The following OPCML variants were observed in gnomAD, a reference collection of about 807,000 sequenced individuals.
OPCML encodes opioid binding protein/cell adhesion molecule like.
A neutral mutation model predicts 37.8 loss-of-function variants in OPCML; 13 were observed. That is an observed-to-expected ratio of 0.34 (90% CI 0.22 to 0.55). OPCML has a LOEUF of 0.55. OPCML is among the 20% of genes least tolerant of loss of function. The pLI is 0.91. For missense variants in OPCML, 341 were observed against 435.6 expected (o/e 0.78, Z 1.93); for synonymous variants, 176 against 168.8 (o/e 1.04, Z -0.33).
intron 2 of OPCML, among the ~76,000 whole-genome samples, chr11:132,895,152 C>T (rs987075891): frequency 6.6e-6 from 1 of 152,180 alleles, no homozygotes; most frequent in Non-Finnish European, 1.5e-5. Context: ...ACAGAGAGCA[C>T]TGAACTCTCT....
chr11:133,116,731 T>C (rs1295245345), intron 1 of OPCML, among the ~76,000 whole-genome samples: 2 of 152,000 alleles, frequency 1.3e-5, no homozygotes, highest in Admixed American at 1.3e-4. Context: ...GGGAAGTTTC[T>C]AGTATACCAA....
At chr11:133,448,154 A>C (rs1946508534) in intron 1 of OPCML, among the ~76,000 whole-genome samples, 1 of 152,254 alleles carries the variant, frequency 6.6e-6, no homozygotes, top group African/African-American at 2.4e-5. Flanking sequence ...GTATTCTAGA[A>C]GTTTTATAGT....
At chr11:132,913,253 G>A (rs1185093352) in intron 2 of OPCML, among the ~76,000 whole-genome samples, 1 of 152,156 alleles carries the variant, frequency 6.6e-6, no homozygotes, top group Non-Finnish European at 1.5e-5. Flanking sequence ...AATTATTCAG[G>A]AAATCTTAAT....
intron 1 of OPCML, among the ~76,000 whole-genome samples, chr11:132,989,567 C>A (rs7933435): frequency 0.013 from 1,917 of 150,916 alleles, 47 homozygotes; most frequent in African/African-American, 0.044. Context: ...GAGGACCATG[C>A]GCTGGAGATG....
chr11:132,841,860 CAAAAAAAAAA>C (rs71067402), intron 2 of OPCML, among the ~76,000 whole-genome samples: 24 of 34,696 alleles, frequency 6.9e-4, no homozygotes, highest in Admixed American at 5.2e-3. Context: ...CACTCTATCT[CAAAAAAAAAA>C]AAAAAAAAAA....
intron 1 of OPCML, among the ~76,000 whole-genome samples, chr11:133,499,101 C>T (rs1235339836): frequency 6.6e-6 from 1 of 152,162 alleles, no homozygotes; most frequent in African/African-American, 2.4e-5. Context: ...AGGACGGTGA[C>T]ACAATGCTCC....
At chr11:132,923,565 C>T (rs1020541518) in intron 2 of OPCML, among the ~76,000 whole-genome samples, 1 of 152,036 alleles carries the variant, frequency 6.6e-6, no homozygotes, top group African/African-American at 2.4e-5. Context: ...TTGCAAATTA[C>T]CACACAAATA....
At chr11:133,075,415 T>C (rs1008293412) in intron 1 of OPCML, among the ~76,000 whole-genome samples, 3 of 152,180 alleles carry the variant, frequency 2.0e-5, no homozygotes, top group African/African-American at 7.2e-5. Context: ...AATCTCTGCA[T>C]TCTTCTGACA....
intron 1 of OPCML, among the ~76,000 whole-genome samples, chr11:132,962,111 A>G (rs1946105183): frequency 6.6e-6 from 1 of 152,250 alleles, no homozygotes; most frequent in African/African-American, 2.4e-5. Context: ...TGCTCAGTGC[A>G]TGTTTGCTAA....
intron 1 of OPCML, chr11:133,006,032 G>A (rs1267630697): frequency 9.1e-6 from 9 of 985,160 alleles, no homozygotes; most frequent in Admixed American, 6.2e-5. Flanking sequence ...TGTGGCCTTC[G>A]TAGGGAGAGC....
chr11:132,809,187 C>G (rs1939185614), intron 2 of OPCML, among the ~76,000 whole-genome samples: 1 of 152,186 alleles, frequency 6.6e-6, no homozygotes, highest in Non-Finnish European at 1.5e-5. Context: ...CTTACTAAAC[C>G]ATTCGCTGAC....
At chr11:132,472,373 AG>A (rs761213313) in intron 4 of OPCML, among the ~76,000 whole-genome samples, 1 of 152,208 alleles carries the variant, frequency 6.6e-6, no homozygotes, top group Non-Finnish European at 1.5e-5. Flanking sequence ...GAGAGAGCCG[AG>A]GGTTAACACA....
In OPCML at chr11:133,359,268, C is replaced by T. The variant is rs542954329; in HGVS notation, c.61+172996G>A. Among the ~76,000 whole-genome samples, 23 of 152,292 alleles carry T rather than the reference C, an allele frequency of 1.5e-4. No individual in the cohort carries two copies. The South Asian group carries it at 4.2e-3, about 27-fold the overall frequency. On this transcript the variant is annotated intron_variant, in intron 1 of 7. Transcript: ENST00000524381. ...TCTTCGTTTATTCTCCAGCCGTACT[C>T]ATCAATGTCTATGTCTGTGGCTGCT...
At position 132,985,730 on chromosome 11, in the gene OPCML, A is replaced by G. The variant is rs543756154; in HGVS notation, c.62-42720T>C. Among the ~76,000 whole-genome samples the G allele has an allele frequency of 2.3e-4, 35 of 152,346 alleles. No individual in the cohort carries two copies. The South Asian group carries it at 7.0e-3, about 31-fold the overall frequency. ...CACCCTCAAAAGGAGAGGATTATACAGGGTACCTGCACTAGGTCCATCTTA... is the reference window on the plus strand; with the variant it reads ...CACCCTCAAAAGGAGAGGATTATACGGGGTACCTGCACTAGGTCCATCTTA... On this transcript the variant is annotated intron_variant, in intron 1 of 7. Transcript: ENST00000524381.
At chr11:132,633,327 C>T (rs11223162) in intron 3 of OPCML, among the ~76,000 whole-genome samples, 24,562 of 151,978 alleles carry the variant, frequency 0.16, 2,174 homozygotes, top group Middle Eastern at 0.2. Context: ...CTCAGCCTCC[C>T]GAGTAGCTGG....
chr11:133,475,614 T>C (rs1327306273), intron 1 of OPCML, among the ~76,000 whole-genome samples: 1 of 152,244 alleles, frequency 6.6e-6, no homozygotes, highest in African/African-American at 2.4e-5. Context: ...AACAATCTCT[T>C]TCCTTCATAA....
At chr11:133,267,041 G>C (rs761330310) in intron 1 of OPCML, among the ~76,000 whole-genome samples, 1 of 152,092 alleles carries the variant, frequency 6.6e-6, no homozygotes, top group Non-Finnish European at 1.5e-5. Context: ...AGTATGATTC[G>C]GCACCTTGGG....
At chr11:132,783,174 T>C (rs1228018556) in intron 2 of OPCML, among the ~76,000 whole-genome samples, 1 of 152,052 alleles carries the variant, frequency 6.6e-6, no homozygotes, top group Admixed American at 6.6e-5. Flanking sequence ...TCAAAGTCCC[T>C]ATCTTCTTAT....
At chr11:132,801,073 T>A (rs1938621605) in intron 2 of OPCML, among the ~76,000 whole-genome samples, 1 of 152,232 alleles carries the variant, frequency 6.6e-6, no homozygotes, top group African/African-American at 2.4e-5. Context: ...CTTATTTACT[T>A]TGTATAGGTC....
Sources: gnomAD v4.1 joint callset for allele counts (sites outside exome capture counted in the v4.1 genomes callset) on GRCh38, gnomAD v4.1.1 for gene constraint, MANE v1.5 for transcripts, NCBI Gene and HGNC (gene_info 2026-07-23, HGNC 2026-07-21) for gene names.